Variants in RSF1 observed in about 807,000 individuals in gnomAD.
RSF1 encodes the protein HBV pX-associated protein 8.
RSF1 carries 13 observed loss-of-function variants against 145.2 expected under a neutral mutation model. That is an observed-to-expected ratio of 0.09 (90% CI 0.06 to 0.14). The LOEUF is 0.14. Among genes scored for constraint, RSF1 ranks in the 10% least tolerant of loss-of-function variants. RSF1 has a pLI of 1.00. For synonymous variants in RSF1, 577 were observed against 592.6 expected, an observed-to-expected ratio of 0.97 and a Z score of 0.38; for missense variants, 1,517 against 1,718.2, an observed-to-expected ratio of 0.88 and a Z score of 2.07.
rs1361265779 is a variant in RSF1 at position 77,666,872 on chromosome 11, G to A, written c.*45C>T. Reference sequence around the variant, plus strand: ...CTTTTAATAACTGGCCCGCTGGTGTGAGAGCTACCGTGGAATAAATTAGCA... The same window carrying A: ...CTTTTAATAACTGGCCCGCTGGTGTAAGAGCTACCGTGGAATAAATTAGCA... On this transcript the variant is annotated 3_prime_UTR_variant, in exon 16 of 16. Coordinates refer to ENST00000308488, the MANE Select transcript of RSF1 (RefSeq NM_016578.4). 6.9e-7 allele frequency: 1 copy of A among 1,444,864 alleles called. No individual in the cohort carries two copies. Among genetic ancestry groups the A allele is most frequent in the Non-Finnish European group, 9.3e-7 (1 of 1,076,038 alleles). The allele number at this position is 1,444,864 out of a possible 1,614,324, so 89.5% of individuals were successfully genotyped here.
intron 2 of RSF1, among the ~76,000 whole-genome samples, chr11:77,760,327 C>T (rs929416969): frequency 1.3e-5 from 2 of 152,070 alleles, no homozygotes; most frequent in Non-Finnish European, 2.9e-5. Flanking sequence ...AAAGAAAATA[C>T]AAAAGACCAC....
chr11:77,715,695 G>A (rs765951722), intron 5 of RSF1, among the ~76,000 whole-genome samples: 5 of 152,138 alleles, frequency 3.3e-5, no homozygotes, highest in Admixed American at 2.6e-4. Flanking sequence ...TGATCCTCCC[G>A]CCTCAGCCTC....
chr11:77,680,367 G>A, intron 11 of RSF1, among the ~76,000 whole-genome samples: 1 of 152,168 alleles, frequency 6.6e-6, no homozygotes, highest in Non-Finnish European at 1.5e-5. Flanking sequence ...TTGTGGATAG[G>A]AGTTCGAGGC....
intron 10 of RSF1, 104 bp from the exon 11 acceptor site, chr11:77,683,923 G>C (rs547946240): frequency 1.3e-6 from 1 of 781,478 alleles, no homozygotes. Flanking sequence ...CATGTGAAAG[G>C]TCTGAAAAAG....
At chr11:77,718,326 A>C (rs1480838103) in intron 5 of RSF1, 3 of 152,148 alleles carry the variant, frequency 2.0e-5, no homozygotes, top group African/African-American at 4.8e-5. Context: ...AGAAAAAAAA[A>C]CAGTTTTGAT....
chr11:77,758,789 T>C (rs2135932123), intron 2 of RSF1, among the ~76,000 whole-genome samples: 1 of 152,340 alleles, frequency 6.6e-6, no homozygotes, highest in South Asian at 2.1e-4. Context: ...GTCTTTATGT[T>C]GTTGAGTTTT....
the RSF1 span, among the ~76,000 whole-genome samples, chr11:77,861,873 G>T: frequency 6.6e-6 from 1 of 152,080 alleles, no homozygotes; most frequent in African/African-American, 2.4e-5. Flanking sequence ...GTTCAACAGG[G>T]TTTCTAAGTT....
chr11:77,850,777 C>A, the RSF1 span: 1 of 48,338 alleles, frequency 2.1e-5, no homozygotes, highest in Non-Finnish European at 3.9e-5. Context: ...CACACACATA[C>A]ACACACATAC....
chr11:77,777,570 GC>G (rs761179938), intron 1 of RSF1, among the ~76,000 whole-genome samples: 2 of 152,078 alleles, frequency 1.3e-5, no homozygotes, highest in Non-Finnish European at 2.9e-5. Flanking sequence ...TCCAGCCTGG[GC>G]AACAAGAGCG....
Position 77,679,009 on chromosome 11 carries a change from A to G in RSF1, c.3066-856T>C, listed in dbSNP as rs1281246855. Among the ~76,000 whole-genome samples, 4 of 152,336 alleles carry G rather than the reference A, an allele frequency of 2.6e-5. No individual in the cohort carries two copies. The East Asian group carries it at 7.7e-4, about 29-fold the overall frequency. On this transcript the variant is annotated intron_variant, in intron 11 of 15. Coordinates refer to ENST00000308488, the MANE Select transcript of RSF1 (RefSeq NM_016578.4). Reference sequence around the variant, plus strand: ...AGGCAATGTCAGCAAAAATTTTTATAAAGGGCCAGATGGTAAATATTTTAG... The same window carrying G: ...AGGCAATGTCAGCAAAAATTTTTATGAAGGGCCAGATGGTAAATATTTTAG...
chr11:77,809,795 C>G (rs544114609), intron 1 of RSF1, among the ~76,000 whole-genome samples: 45 of 152,306 alleles, frequency 3.0e-4, no homozygotes, highest in African/African-American at 1.1e-3. Context: ...CCCCAAACTC[C>G]AAATACCAAA....
chr11:77,735,073 G>A (rs377320776), intron 4 of RSF1: 10 of 1,099,246 alleles, frequency 9.1e-6, no homozygotes, highest in East Asian at 7.4e-5. Context: ...GCTGCGTGGC[G>A]CTGGGGCGGC....
Position 77,678,952 on chromosome 11 carries a change from G to A in RSF1, c.3066-799C>T, listed in dbSNP as rs188767901. Among the ~76,000 whole-genome samples the A allele has an allele frequency of 1.9e-3, 289 of 152,230 alleles. 4 individuals are homozygous for A. Among genetic ancestry groups the A allele is most frequent in the African/African-American group, 6.7e-3 (280 of 41,530 alleles). On this transcript the variant is annotated intron_variant, in intron 11 of 15. Transcript: ENST00000308488. The stretch of plus-strand genomic sequence containing the variant: ...GTTGATTATAGGCTATCCAGTTTAC[G>A]GTTACTTTCTGATAGCAGCCAAATT...
chr11:77,855,711 G>A, the RSF1 span, among the ~76,000 whole-genome samples: 1 of 116,420 alleles, frequency 8.6e-6, no homozygotes, highest in African/African-American at 3.3e-5. Flanking sequence ...GTAAGTTCCA[G>A]TTTTATGTCT....
chr11:77,771,070 A>G (rs1948280090), intron 1 of RSF1, among the ~76,000 whole-genome samples: 1 of 152,188 alleles, frequency 6.6e-6, no homozygotes, highest in Non-Finnish European at 1.5e-5. Flanking sequence ...ACTCAATTTA[A>G]CGATCATAGA....
chr11:77,777,610 T>C (rs1309302197), intron 1 of RSF1, among the ~76,000 whole-genome samples: 1 of 151,902 alleles, frequency 6.6e-6, no homozygotes, highest in Non-Finnish European at 1.5e-5. Flanking sequence ...AATAAAAAAA[T>C]AAATAAATAA....
At chr11:77,764,766 T>C in intron 1 of RSF1, 77 bp from the exon 2 acceptor site, 2 of 937,822 alleles carry the variant, frequency 2.1e-6, no homozygotes, top group Admixed American at 4.5e-5. Flanking sequence ...AAAAAAATAA[T>C]CTTCTCCAAC....
At chr11:77,808,062 G>C (rs1037641318) in intron 1 of RSF1, among the ~76,000 whole-genome samples, 2 of 152,088 alleles carry the variant, frequency 1.3e-5, no homozygotes, top group South Asian at 4.1e-4. Context: ...GGCTGGGTGC[G>C]GTGGCTCACA....
rs747717158 is a variant in RSF1 at position 77,675,118 on chromosome 11, C to A, written c.3480G>T (p.Arg1160Ser). 2 of 1,614,150 alleles carry A rather than the reference C, an allele frequency of 1.2e-6. No individual in the cohort carries two copies. The highest frequency in any genetic ancestry group is 1.7e-6 in the Non-Finnish European group (2 of 1,180,030). ...TCTTTGGGGTCTTTCTTCGCAAACG[C>A]CTGCTCTGCCTCATTGGCCGAGAGG... ...RHPSRPMRQS[R>S]RLRRKTPKKK... Residue 1160 changes from arginine to serine, a missense_variant, in exon 14 of 16, where the codon AGG becomes AGT. Physicochemically the swap from Arg to Ser is moderately radical, Grantham distance 110. Transcript: ENST00000308488.
Sources: gnomAD v4.1 joint callset for allele counts (sites outside exome capture counted in the v4.1 genomes callset) on GRCh38, gnomAD v4.1.1 for gene constraint, MANE v1.5 for transcripts, NCBI Gene and HGNC (gene_info 2026-07-23, HGNC 2026-07-21) for gene names.